Variants in DCDC2 observed in about 807,000 individuals in gnomAD.
DCDC2 encodes the protein doublecortin domain containing 2, also known as doublecortin domain-containing protein 2.
In DCDC2, 40 loss-of-function variants were observed where a neutral mutation model predicts 50.2. The observed-to-expected ratio is 0.80, with a 90% CI of 0.62 to 1.04. The LOEUF is 1.04. Ranked by LOEUF, DCDC2 falls within the 50% of genes least tolerant of loss-of-function variation. DCDC2 has a pLI of 0.00. For synonymous variants in DCDC2, 234 were observed against 210.6 expected, an observed-to-expected ratio of 1.11 and a Z score of -0.96; for missense variants, 570 against 581.9, an observed-to-expected ratio of 0.98 and a Z score of 0.21.
intron 2 of DCDC2, among the ~76,000 whole-genome samples, chr6:24,342,949 G>T (rs529053972): frequency 1.3e-5 from 2 of 151,932 alleles, no homozygotes; most frequent in South Asian, 4.2e-4. Flanking sequence ...TCTTTAGAGA[G>T]TCCTCCTACA....
intron 7 of DCDC2, among the ~76,000 whole-genome samples, chr6:24,230,693 G>A (rs1762322764): frequency 6.6e-6 from 1 of 152,138 alleles, no homozygotes; most frequent in African/African-American, 2.4e-5. Flanking sequence ...CTTGAGGATT[G>A]GATATCAGAG....
rs539220280 is a variant in DCDC2 at position 24,202,831 on chromosome 6, T to C, written c.1023+2171A>G. 9.9e-5 allele frequency among the ~76,000 whole-genome samples: 15 copies of C among 152,232 alleles called. No homozygotes were observed. In the South Asian group the frequency reaches 2.1e-3, roughly 21 times the overall value. On this transcript the variant is annotated intron_variant, in intron 8 of 9. Transcript: ENST00000378454. ...TGTGCAAAAATCACAAGCATTCCTA[T>C]ACACCAGTAATAGACAAACAGAGAG...
At chr6:24,242,760 G>C (rs141721180) in intron 7 of DCDC2, among the ~76,000 whole-genome samples, 3 of 152,128 alleles carry the variant, frequency 2.0e-5, no homozygotes, top group Admixed American at 6.5e-5. Flanking sequence ...CCAGGAGTTC[G>C]AGAACAGCCT....
At chr6:24,229,484 G>A (rs963196394) in intron 7 of DCDC2, among the ~76,000 whole-genome samples, 2 of 152,046 alleles carry the variant, frequency 1.3e-5, no homozygotes, top group East Asian at 1.9e-4. Flanking sequence ...CCCCCTTGCC[G>A]TGTAACATTT....
At chr6:24,304,677 T>C (rs1016820348) in intron 2 of DCDC2, among the ~76,000 whole-genome samples, 1 of 152,210 alleles carries the variant, frequency 6.6e-6, no homozygotes, top group Non-Finnish European at 1.5e-5. Flanking sequence ...CTTATGTACA[T>C]AGCACATACA....
intron 7 of DCDC2, among the ~76,000 whole-genome samples, chr6:24,277,202 C>T (rs1309887052): frequency 1.3e-5 from 2 of 151,884 alleles, no homozygotes; most frequent in East Asian, 3.9e-4. Context: ...TAAGGCTTTG[C>T]CCATTAATCT....
intron 4 of DCDC2, among the ~76,000 whole-genome samples, chr6:24,299,794 C>G (rs1433954514): frequency 6.6e-6 from 1 of 152,004 alleles, no homozygotes; most frequent in African/African-American, 2.4e-5. Context: ...TGGCAGGCGC[C>G]TGTAATCCCA....
At chr6:24,210,019 GGT>G (rs71002475) in intron 7 of DCDC2, among the ~76,000 whole-genome samples, 2,197 of 145,236 alleles carry the variant, frequency 0.015, 24 homozygotes, top group African/African-American at 0.032. Flanking sequence ...GCAGTATCAG[GGT>G]GTGTGTGTGT....
intron 2 of DCDC2, among the ~76,000 whole-genome samples, chr6:24,302,752 C>T (rs1759405417): frequency 6.6e-6 from 1 of 152,066 alleles, no homozygotes; most frequent in South Asian, 2.1e-4. Context: ...ATCACCTGGA[C>T]CTCAGTATAG....
At chr6:24,308,224 A>G (rs1178921413) in intron 2 of DCDC2, among the ~76,000 whole-genome samples, 8 of 152,256 alleles carry the variant, frequency 5.3e-5, no homozygotes, top group Non-Finnish European at 1.0e-4. Context: ...AGTGGTGGAA[A>G]TAGCTAATAG....
At chr6:24,347,826 A>C (rs1760295359) in intron 2 of DCDC2, among the ~76,000 whole-genome samples, 2 of 152,216 alleles carry the variant, frequency 1.3e-5, no homozygotes, top group Non-Finnish European at 2.9e-5. Flanking sequence ...ACAAAATCTA[A>C]ATAGGTGGTG....
chr6:24,279,584 CAAAAAGA>C (rs1243387992), intron 6 of DCDC2, among the ~76,000 whole-genome samples: 1 of 151,906 alleles, frequency 6.6e-6, no homozygotes, highest in South Asian at 2.1e-4. Context: ...CCATCTCTAA[CAAAAAGA>C]AAAAAGAGAA....
chr6:24,255,676 T>C (rs1762886438), intron 7 of DCDC2, among the ~76,000 whole-genome samples: 1 of 152,028 alleles, frequency 6.6e-6, no homozygotes, highest in African/African-American at 2.4e-5. Context: ...GGCCAAAAGA[T>C]ACATGAAAAA....
At chr6:24,178,274 T>G (rs1423950261) in intron 9 of DCDC2, 56 bp downstream of exon 9, 1 of 1,541,628 alleles carries the variant, frequency 6.5e-7, no homozygotes, top group Non-Finnish European at 8.9e-7. Flanking sequence ...AATGCACGCA[T>G]GTACACACAC....
chr6:24,229,306 T>TA (rs1165501948), intron 7 of DCDC2, among the ~76,000 whole-genome samples: 2 of 152,160 alleles, frequency 1.3e-5, no homozygotes, highest in African/African-American at 2.4e-5. Context: ...CATCCATCCT[T>TA]AGAGCCGGCC....
the DCDC2 span, among the ~76,000 whole-genome samples, chr6:24,381,870 G>GA: frequency 5.0e-4 from 56 of 110,910 alleles, no homozygotes; most frequent in African/African-American, 1.7e-3. Context: ...AGAAATAAAA[G>GA]AAAGAAAGAG....
intron 2 of DCDC2, among the ~76,000 whole-genome samples, chr6:24,321,710 C>T (rs188321400): frequency 1.1e-3 from 162 of 152,248 alleles, no homozygotes; most frequent in Middle Eastern, 3.4e-3. Flanking sequence ...AAAGCAAAAG[C>T]GATATCACTG....
chr6:24,289,855 AAAATTTTTTTTTGCAATG>A (rs1763700637), intron 5 of DCDC2, among the ~76,000 whole-genome samples: 1 of 152,162 alleles, frequency 6.6e-6, no homozygotes, highest in Admixed American at 6.5e-5. Context: ...ACAACCAAAA[AAAATTTTTTTTTGCAATG>A]GCAAGGTGGC....
chr6:24,380,163 C>T, the DCDC2 span, among the ~76,000 whole-genome samples: 1 of 152,002 alleles, frequency 6.6e-6, no homozygotes, highest in Non-Finnish European at 1.5e-5. Flanking sequence ...ACATTGTGCA[C>T]GTGTATCCTA....
Sources: allele counts gnomAD v4.1 joint callset (sites outside exome capture counted in the v4.1 genomes callset), GRCh38; gene constraint gnomAD v4.1.1; transcripts MANE v1.5; gene names NCBI Gene and HGNC (gene_info 2026-07-23, HGNC 2026-07-21).